The following ZC3H13 variants were observed in gnomAD, a reference collection of about 807,000 sequenced individuals.
ZC3H13 encodes zinc finger CCCH domain-containing protein 13.
In ZC3H13, 64 loss-of-function variants were observed where a neutral mutation model predicts 204.1. The observed-to-expected ratio is 0.31, with a 90% confidence interval of 0.26 to 0.39. The LOEUF is 0.39. Among genes scored for constraint, ZC3H13 ranks in the 10% least tolerant of loss-of-function variants. The probability of loss-of-function intolerance (pLI) is 1.00; values close to 1 mark genes in which losing one functional copy is unlikely to be tolerated. For missense variants in ZC3H13, 1,833 were observed against 2,082.7 expected (o/e 0.88, Z 2.33); for synonymous variants, 667 against 693.7 (o/e 0.96, Z 0.60).
At position 46,052,396 on chromosome 13, in the gene ZC3H13, A is replaced by G; in HGVS notation, c.-10+8T>C. 2.5e-6 allele frequency: 1 copy of G among 396,550 alleles called. No homozygotes were observed. Among genetic ancestry groups the G allele is most frequent in the Non-Finnish European group, 4.4e-6 (1 of 225,416 alleles). The allele number at this position is 396,550 out of a possible 1,614,324, so 24.6% of individuals were successfully genotyped here. The stretch of plus-strand genomic sequence containing the variant: ...CCAGATACCCACACCAATTCACAGA[A>G]CGCTTACTTCCTCCCCAAGCTCCCT... On this transcript the variant is annotated splice_region_variant and intron_variant, in intron 1 of 18. Transcript: ENST00000679008.
chr13:45,979,045 A>G (rs1425131961), intron 11 of ZC3H13, among the ~76,000 whole-genome samples: 1 of 152,058 alleles, frequency 6.6e-6, no homozygotes, highest in East Asian at 1.9e-4. Context: ...TCAATATTCA[A>G]TTCTCTGGGC....
chr13:45,968,238 T>G (rs1448274733), intron 14 of ZC3H13, among the ~76,000 whole-genome samples: 1 of 152,110 alleles, frequency 6.6e-6, no homozygotes, highest in African/African-American at 2.4e-5. Context: ...TAAATCATTT[T>G]AAGAAAAATT....
chr13:46,017,001 T>C (rs1350163373), intron 5 of ZC3H13, among the ~76,000 whole-genome samples: 1 of 152,130 alleles, frequency 6.6e-6, no homozygotes, highest in South Asian at 2.1e-4. Flanking sequence ...CTCAGGACTG[T>C]TGGTATCTGG....
chr13:46,030,269 G>T (rs902286684), intron 4 of ZC3H13, among the ~76,000 whole-genome samples: 1 of 152,178 alleles, frequency 6.6e-6, no homozygotes. Context: ...TACGGCTAAC[G>T]TCATACCTAA....
rs147713990 is a variant in ZC3H13 at position 45,968,931 on chromosome 13, G to A, written c.3613C>T (p.Arg1205Cys). 6.2e-6 allele frequency: 10 copies of A among 1,614,176 alleles called. No individual in the cohort carries two copies. Among genetic ancestry groups the A allele is most frequent in the Non-Finnish European group, 8.5e-6 (10 of 1,180,042 alleles). Residue 1205 changes from arginine to cysteine, a missense_variant, in exon 14 of 19, where the codon CGT (arginine) becomes TGT (cysteine). Arg to Cys is a radical substitution (Grantham distance 180). Coordinates refer to ENST00000679008, the MANE Select transcript of ZC3H13 (RefSeq NM_001330564.2). ...GAATCATTGGATGGGGAGCGAAGAC[G>A]ACCAGACGTATGACTACGGTTACTC... is the stretch of plus-strand genomic sequence containing the variant. ...NRSNRSHTSGRLRSPSNDSAH... is the reference protein window; with the variant it reads ...NRSNRSHTSGCLRSPSNDSAH...
chr13:46,011,446 T>C lies in ZC3H13; in HGVS notation c.557A>G (p.Glu186Gly). 6.2e-7 allele frequency: 1 copy of C among 1,606,546 alleles called. No homozygotes were observed. The highest frequency in any genetic ancestry group is 1.1e-5 in the South Asian group (1 of 89,500). Residue 186 changes from glutamate to glycine, a missense_variant, in exon 6 of 19, where the codon GAG (glutamate) becomes GGG (glycine). Around this residue, in one of 5 missense-constraint regions of ZC3H13, gnomAD observed 1,574 missense variants for 1,757.2 expected, o/e 0.90. Transcript: ENST00000679008. Reference protein sequence around the residue: ...ELMKLEQENMEKREEIIIKKE... With the variant: ...ELMKLEQENMGKREEIIIKKE... ...TTTAATGATAATTTCTTCTCTCTTC[T>C]CCATGTTTTCTTGTTCCAGCTTCAT...
chr13:45,967,266 T>G (rs548020272), intron 15 of ZC3H13, among the ~76,000 whole-genome samples: 451 of 152,336 alleles, frequency 3.0e-3, no homozygotes, highest in Admixed American at 7.3e-3. Flanking sequence ...TTTTATTTCA[T>G]TTAGGTTTAT....
intron 12 of ZC3H13, among the ~76,000 whole-genome samples, chr13:45,971,294 T>C (rs74428082): frequency 6.6e-6 from 1 of 152,324 alleles, no homozygotes; most frequent in Non-Finnish European, 1.5e-5. Flanking sequence ...ATTGTTTGTT[T>C]ATAAATACTA....
intron 4 of ZC3H13, among the ~76,000 whole-genome samples, chr13:46,037,038 T>A (rs1277750921): frequency 6.6e-6 from 1 of 152,152 alleles, no homozygotes; most frequent in African/African-American, 2.4e-5. Context: ...GTTTTAATAT[T>A]GTATATGAGG....
chr13:45,988,745 T>C, intron 9 of ZC3H13, 42 bp downstream of exon 9: 1 of 1,555,000 alleles, frequency 6.4e-7, no homozygotes, highest in Non-Finnish European at 8.7e-7. Flanking sequence ...TAAAGCTGGA[T>C]GTTCAATTTT....
intron 1 of ZC3H13, 73 bp from the exon 2 acceptor site, chr13:46,045,589 G>T: frequency 9.8e-7 from 1 of 1,022,680 alleles, no homozygotes; most frequent in Non-Finnish European, 1.5e-6. Flanking sequence ...CAGCTTACAA[G>T]TAGATAAAAC....
rs1952413279 is a variant in ZC3H13 at position 45,969,630 on chromosome 13, CTTTCTT to C, written c.2908_2913del (p.Lys970_Lys971del). On this transcript the variant is annotated inframe_deletion, in exon 14 of 19. Coordinates refer to ENST00000679008, the MANE Select transcript of ZC3H13 (RefSeq NM_001330564.2). Reference sequence around the variant, plus strand: ...CCCCTCTCTATTCCAACATCATCCTCTTTCTTTTTCTTAATTGGTTTCTTTTGAATT... The same window carrying C: ...CCCCTCTCTATTCCAACATCATCCTCTTTCTTAATTGGTTTCTTTTGAATT... The C allele has an allele frequency of 6.2e-7, 1 of 1,609,320 alleles. No homozygotes were observed. The highest frequency in any genetic ancestry group is 1.3e-5 in the African/African-American group (1 of 74,324).
chr13:46,035,722 T>G (rs2043170349), intron 4 of ZC3H13, among the ~76,000 whole-genome samples: 1 of 152,252 alleles, frequency 6.6e-6, no homozygotes, highest in Admixed American at 6.5e-5. Context: ...GTTTTATTAT[T>G]TCCAAAGAAT....
At chr13:46,028,804 C>A (rs1020422680) in intron 4 of ZC3H13, among the ~76,000 whole-genome samples, 25 of 152,112 alleles carry the variant, frequency 1.6e-4, no homozygotes, top group African/African-American at 5.8e-4. Context: ...GCAGTAAACA[C>A]TGTACCCAAA....
chr13:45,979,736 T>C, intron 11 of ZC3H13, 77 bp downstream of exon 11: 2 of 1,401,590 alleles, frequency 1.4e-6, no homozygotes, highest in Non-Finnish European at 1.9e-6. Context: ...TATTAAAAAG[T>C]AAATTGGTAA....
Position 46,005,172 on chromosome 13 carries a change from A to C in ZC3H13, c.747-1836T>G, listed in dbSNP as rs899250702. Among the ~76,000 whole-genome samples the C allele has an allele frequency of 5.9e-5, 9 of 152,292 alleles. No homozygotes were observed. The East Asian group carries it at 1.7e-3, about 29-fold the overall frequency. ...CTTGAAAATTACTCACTGGAAAAAGATTTTCACTAAATCCAGGTATTTTCA... is the reference window on the plus strand; with the variant it reads ...CTTGAAAATTACTCACTGGAAAAAGCTTTTCACTAAATCCAGGTATTTTCA... On this transcript the variant is annotated intron_variant, in intron 7 of 18. Coordinates refer to ENST00000679008, the MANE Select transcript of ZC3H13 (RefSeq NM_001330564.2).
chr13:46,038,995 C>T (rs1311619309), intron 4 of ZC3H13, among the ~76,000 whole-genome samples: 1 of 152,114 alleles, frequency 6.6e-6, no homozygotes, highest in African/African-American at 2.4e-5. Flanking sequence ...CCACTCCAGT[C>T]TGGGAGACAG....
intron 6 of ZC3H13, among the ~76,000 whole-genome samples, chr13:46,010,803 G>A (rs2041503835): frequency 6.6e-6 from 1 of 151,586 alleles, no homozygotes; most frequent in Non-Finnish European, 1.5e-5. Flanking sequence ...GAGATGGGAG[G>A]ATCCCTTGAG....
Position 45,956,822 on chromosome 13 carries a change from C to T in ZC3H13, c.*305G>A, listed in dbSNP as rs1440434074. The T allele has an allele frequency of 1.6e-5, 3 of 183,974 alleles. No individual in the cohort carries two copies. The highest frequency in any genetic ancestry group is 7.0e-5 in the African/African-American group (3 of 42,724). The allele number at this position is 183,974 out of a possible 1,614,324, so 11.4% of individuals were successfully genotyped here. A position where few individuals can be genotyped will look rare whatever the true frequency, so the allele number is the denominator to read the frequency against. On this transcript the variant is annotated 3_prime_UTR_variant, in exon 19 of 19. Transcript: ENST00000679008. ...TCCATTTCACAAAAATATTCATAGG[C>T]TGGAAGAGCAGTGACAACCATTTTC...
Sources: gnomAD v4.1 joint callset for allele counts (sites outside exome capture counted in the v4.1 genomes callset) on GRCh38, gnomAD v4.1.1 for gene constraint, gnomAD v4.1.1 regional missense constraint, MANE v1.5 for transcripts, NCBI Gene and HGNC (gene_info 2026-07-23, HGNC 2026-07-21) for gene names.